Variants in HHLA1 observed in about 807,000 individuals in gnomAD.
HHLA1 encodes the protein HERV-H LTR-associating protein 1.
Under a neutral mutation model 69.9 loss-of-function variants are expected in HHLA1, and 72 were observed. That is an observed-to-expected ratio of 1.03 (90% CI 0.85 to 1.25). The LOEUF (loss-of-function observed/expected upper bound fraction) is 1.25. Ranked by LOEUF, HHLA1 falls within the 50% of genes most tolerant of loss-of-function variation. The pLI is 0.00. For synonymous variants in HHLA1, 252 were observed against 233.2 expected (o/e 1.08, Z -0.73); for missense variants, 685 against 642.2 (o/e 1.07, Z -0.72).
At chr8:132,080,056 T>C (rs946199636) in intron 10 of HHLA1, 90 bp from the exon 11 acceptor site, 7 of 1,460,108 alleles carry the variant, frequency 4.8e-6, no homozygotes, top group African/African-American at 1.4e-5. Context: ...AATATATGAA[T>C]GTGGAGATTC....
At chr8:132,092,491 C>T (rs1823962177) in intron 7 of HHLA1, among the ~76,000 whole-genome samples, 1 of 152,180 alleles carries the variant, frequency 6.6e-6, no homozygotes, top group East Asian at 1.9e-4. Context: ...GCAGACTTCT[C>T]ATGAATGGGT....
intron 5 of HHLA1, among the ~76,000 whole-genome samples, chr8:132,097,876 T>C (rs1372373279): frequency 6.6e-6 from 1 of 152,136 alleles, no homozygotes; most frequent in Non-Finnish European, 1.5e-5. Context: ...CCAAGCACAG[T>C]TGTGCAGTGT....
chr8:132,091,151 T>C (rs1311639069), intron 7 of HHLA1, among the ~76,000 whole-genome samples: 3 of 152,224 alleles, frequency 2.0e-5, no homozygotes, highest in Non-Finnish European at 4.4e-5. Context: ...ATTTATCTAA[T>C]AAATATTCAT....
chr8:132,107,877 C>T (rs1418789159), intron 1 of HHLA1, among the ~76,000 whole-genome samples: 8 of 152,124 alleles, frequency 5.3e-5, no homozygotes, highest in African/African-American at 1.9e-4. Flanking sequence ...ACTGGCTAGA[C>T]TTCACCTGAC....
intron 5 of HHLA1, among the ~76,000 whole-genome samples, chr8:132,096,702 A>G (rs1462414181): frequency 1.3e-5 from 2 of 152,176 alleles, no homozygotes; most frequent in South Asian, 4.1e-4. Context: ...AGGTGCACCT[A>G]TTAAAAGGGC....
intron 14 of HHLA1, 61 bp from the exon 15 acceptor site, chr8:132,071,554 G>C (rs11986032): frequency 1.4e-6 from 2 of 1,471,136 alleles, no homozygotes; most frequent in African/African-American, 2.8e-5. Context: ...TCTTCTCTTC[G>C]TTAAGCCCTG....
chr8:132,080,439 G>A (rs1823731158), intron 10 of HHLA1: 1 of 290,028 alleles, frequency 3.4e-6, no homozygotes. Flanking sequence ...AGGAGTGGGG[G>A]TCTCAAGGTG....
intron 10 of HHLA1, among the ~76,000 whole-genome samples, chr8:132,086,392 C>T (rs957666550): frequency 3.3e-5 from 5 of 152,198 alleles, no homozygotes. Context: ...TTTCCTCTCT[C>T]TGTGCTACTT....
chr8:132,095,135 G>A (rs1161204388), intron 7 of HHLA1, among the ~76,000 whole-genome samples: 1 of 152,084 alleles, frequency 6.6e-6, no homozygotes, highest in Non-Finnish European at 1.5e-5. Context: ...TTGTATTTTT[G>A]TGTAACTTTC....
At chr8:132,079,334 G>A (rs1476564903) in intron 11 of HHLA1, among the ~76,000 whole-genome samples, 48 of 152,332 alleles carry the variant, frequency 3.2e-4, no homozygotes, top group Middle Eastern at 3.4e-3. Flanking sequence ...GAGCGATATC[G>A]CTAAATGCTT....
At chr8:132,076,333 C>G (rs1456200845) in intron 13 of HHLA1, 142 bp downstream of exon 13, 1 of 717,932 alleles carries the variant, frequency 1.4e-6, no homozygotes, top group African/African-American at 1.8e-5. Context: ...TCTCCTGACT[C>G]TTTTCCTGCA....
chr8:132,104,745 GAA>G (rs1824175224), intron 2 of HHLA1, among the ~76,000 whole-genome samples: 3 of 152,124 alleles, frequency 2.0e-5, no homozygotes, highest in African/African-American at 4.8e-5. Context: ...CGCAGAGCCT[GAA>G]AAGGACCTGG....
At chr8:132,091,920 C>T (rs1040609696) in intron 7 of HHLA1, among the ~76,000 whole-genome samples, 14 of 152,164 alleles carry the variant, frequency 9.2e-5, no homozygotes, top group Middle Eastern at 3.2e-3. Flanking sequence ...TGGGCAAGTA[C>T]TCTAAGTGAT....
intron 10 of HHLA1, among the ~76,000 whole-genome samples, chr8:132,086,327 C>G (rs190881394): frequency 9.5e-4 from 145 of 152,230 alleles, no homozygotes; most frequent in East Asian, 1.4e-3. Flanking sequence ...TCACCTCCCC[C>G]AGAATGCATG....
At chr8:132,098,374 C>G (rs1414922474) in intron 5 of HHLA1, among the ~76,000 whole-genome samples, 1 of 152,092 alleles carries the variant, frequency 6.6e-6, no homozygotes, top group African/African-American at 2.4e-5. Flanking sequence ...TACAAACATA[C>G]CATGTCTGTA....
At chr8:132,092,497 T>C (rs377082965) in intron 7 of HHLA1, among the ~76,000 whole-genome samples, 1 of 152,160 alleles carries the variant, frequency 6.6e-6, no homozygotes, top group Non-Finnish European at 1.5e-5. Flanking sequence ...TTCTCATGAA[T>C]GGGTTAGCAC....
intron 1 of HHLA1, among the ~76,000 whole-genome samples, chr8:132,109,030 C>T (rs1386286878): frequency 1.3e-5 from 2 of 152,146 alleles, no homozygotes; most frequent in African/African-American, 4.8e-5. Context: ...TGTTTTGAGA[C>T]GAAGTCTCGC....
intron 10 of HHLA1, among the ~76,000 whole-genome samples, chr8:132,083,109 G>A (rs1338480352): frequency 2.0e-5 from 3 of 150,540 alleles, no homozygotes; most frequent in Non-Finnish European, 4.5e-5. Context: ...AGAGGAGGAC[G>A]CAAAGGAGGC....
At chr8:132,091,837 T>C (rs1186280195) in intron 7 of HHLA1, among the ~76,000 whole-genome samples, 1 of 152,202 alleles carries the variant, frequency 6.6e-6, no homozygotes, top group Non-Finnish European at 1.5e-5. Context: ...ATTTTGGCAA[T>C]TCAAATCATT....
Sources: allele counts gnomAD v4.1 joint callset (sites outside exome capture counted in the v4.1 genomes callset), GRCh38; gene constraint gnomAD v4.1.1; transcripts MANE v1.5; gene names NCBI Gene and HGNC (gene_info 2026-07-23, HGNC 2026-07-21).